PCDHA1: variants seen among roughly 807,000 people sequenced by gnomAD.
PCDHA1 encodes the protein protocadherin alpha-1.
In PCDHA1, 42 loss-of-function variants were observed where a neutral mutation model predicts 61.3. The ratio of observed to expected loss-of-function variants is 0.69; its 90% CI spans 0.54 to 0.89. PCDHA1 has a LOEUF of 0.89. Ranked by LOEUF, PCDHA1 falls within the 40% of genes least tolerant of loss-of-function variation. The pLI, the probability that PCDHA1 is intolerant of heterozygous loss-of-function variation, is 0.00. For synonymous variants in PCDHA1, 610 were observed against 553.8 expected (o/e 1.10, Z -1.43); for missense variants, 1,256 against 1,235.3 (o/e 1.02, Z -0.25).
intron 1 of PCDHA1, among the ~76,000 whole-genome samples, chr5:140,957,433 A>G (rs2095359030): frequency 6.6e-6 from 1 of 152,202 alleles, no homozygotes; most frequent in Non-Finnish European, 1.5e-5. Flanking sequence ...TACTGTGCCT[A>G]ATTTATAAAT....
intron 1 of PCDHA1, chr5:140,834,324 A>G: frequency 6.9e-7 from 1 of 1,445,086 alleles, no homozygotes; most frequent in Non-Finnish European, 9.4e-7. Context: ...AGGGATAAAA[A>G]CATTCCTATA....
At chr5:140,926,590 G>A (rs2083383863) in intron 1 of PCDHA1, 1 of 296,754 alleles carries the variant, frequency 3.4e-6, no homozygotes, top group Non-Finnish European at 6.1e-6. Context: ...CTCGCGCCCG[G>A]GCGGGCGGCC....
chr5:140,842,383 C>T, intron 1 of PCDHA1: 2 of 1,610,796 alleles, frequency 1.2e-6, no homozygotes, highest in Non-Finnish European at 1.7e-6. Context: ...CACTGACTTC[C>T]TTATCCTTGC....
In PCDHA1 at chr5:140,848,974, C is replaced by T. The variant is rs2150427496; in HGVS notation, c.2394+60290C>T. On this transcript the variant is annotated intron_variant, in intron 1 of 3. Coordinates refer to ENST00000504120, the MANE Select transcript of PCDHA1 (RefSeq NM_018900.4). ...TTTCCACTAGAGGGCGCGTCCGATG[C>T]AGATATCGGGGAGAACGCCCTGCTC... 302 of 1,600,986 alleles carry T rather than the reference C, an allele frequency of 1.9e-4. 1 individual carries two copies. The highest frequency in any genetic ancestry group is 2.4e-4 in the Non-Finnish European group (280 of 1,171,990).
chr5:140,788,803 C>T (rs1020468891), intron 1 of PCDHA1, 119 bp downstream of exon 1: 2 of 1,432,144 alleles, frequency 1.4e-6, no homozygotes, highest in Non-Finnish European at 1.8e-6. Flanking sequence ...TGAAATAAAT[C>T]ATACCATTGA....
chr5:140,967,487 G>A lies in PCDHA1; in HGVS notation c.2395-11462G>A, dbSNP rs781929483. 60 of 1,613,172 alleles carry A rather than the reference G, an allele frequency of 3.7e-5. No individual in the cohort carries two copies. The highest frequency in any genetic ancestry group is 5.0e-5 in the Non-Finnish European group (59 of 1,179,674). ...GGGCATCCCAGCCCGCTCGGGTACG[G>A]CACAGATCTCTGTGCGTGTCCTGGA... On this transcript the variant is annotated intron_variant, in intron 1 of 3. Coordinates refer to ENST00000504120, the MANE Select transcript of PCDHA1 (RefSeq NM_018900.4).
At chr5:140,817,505 A>G (rs1231227297) in intron 1 of PCDHA1, 20 of 152,224 alleles carry the variant, frequency 1.3e-4, no homozygotes, top group African/African-American at 4.6e-4. Context: ...ATGCTTTTAC[A>G]AATTATTTTA....
rs2150220578 is a variant in PCDHA1 at position 140,834,540 on chromosome 5, G to A, written c.2394+45856G>A. ...CGTGGGCCGCATCGCGCAGGACCTG[G>A]GGCTGGAGCTGGCGGAGCTGGTGCC... On this transcript the variant is annotated intron_variant, in intron 1 of 3. Transcript: ENST00000504120. The A allele has an allele frequency of 7.4e-6, 12 of 1,614,082 alleles. No individual in the cohort carries two copies. The Admixed American group carries it at 1.0e-4, about 13-fold the overall frequency.
intron 1 of PCDHA1, chr5:140,929,850 G>T: frequency 6.5e-6 from 1 of 154,348 alleles, no homozygotes. Flanking sequence ...GAGGAGGAAG[G>T]AGTCAGAGAA....
intron 1 of PCDHA1, among the ~76,000 whole-genome samples, chr5:140,895,352 G>A (rs1322887367): frequency 7.9e-5 from 12 of 151,916 alleles, no homozygotes; most frequent in African/African-American, 2.9e-4. Flanking sequence ...GCTTTCCAGT[G>A]AGTACTTATT....
chr5:140,956,243 C>T (rs2095270530), intron 1 of PCDHA1, among the ~76,000 whole-genome samples: 1 of 152,142 alleles, frequency 6.6e-6, no homozygotes, highest in African/African-American at 2.4e-5. Flanking sequence ...AAGGGGAATG[C>T]TTCCAGGTTT....
chr5:140,921,941 A>G (rs1294349868), intron 1 of PCDHA1, among the ~76,000 whole-genome samples: 1 of 152,068 alleles, frequency 6.6e-6, no homozygotes, highest in Non-Finnish European at 1.5e-5. Context: ...ATAATTTTAC[A>G]CTTGTAAAAT....
At chr5:140,951,822 C>T (rs926525028) in intron 1 of PCDHA1, among the ~76,000 whole-genome samples, 11 of 152,152 alleles carry the variant, frequency 7.2e-5, no homozygotes, top group African/African-American at 2.7e-4. Flanking sequence ...AAAGTCTGAA[C>T]TCATTCCAGC....
In PCDHA1 at chr5:140,913,731, A is replaced by G. The variant is rs557158674; in HGVS notation, c.2395-65218A>G. ...CAATTACAGCTACAAATTTCCCTCT[A>G]ATAGTACTCCTTTTGTTGTATCTCA... On this transcript the variant is annotated intron_variant, in intron 1 of 3. Transcript: ENST00000504120. Among the ~76,000 whole-genome samples the G allele has an allele frequency of 1.8e-4, 27 of 152,194 alleles. No homozygotes were observed. The South Asian group carries it at 2.5e-3, about 14-fold the overall frequency.
intron 1 of PCDHA1, among the ~76,000 whole-genome samples, chr5:140,871,971 G>A (rs2053418279): frequency 6.6e-6 from 1 of 152,204 alleles, no homozygotes; most frequent in South Asian, 2.1e-4. Context: ...GTCTTCCTAT[G>A]ATGTCCAGGT....
At chr5:140,855,706 TCAA>T (rs1176313933) in intron 1 of PCDHA1, among the ~76,000 whole-genome samples, 1 of 149,608 alleles carries the variant, frequency 6.7e-6, no homozygotes, top group African/African-American at 2.5e-5. Context: ...GCACGTGGGA[TCAA>T]CATTTATTGT....
chr5:140,877,713 T>C (rs2057302382), intron 1 of PCDHA1: 1 of 1,613,318 alleles, frequency 6.2e-7, no homozygotes, highest in African/African-American at 1.3e-5. Flanking sequence ...CCGTGGGGAG[T>C]TGGTCTTACT....
chr5:140,967,998 G>A lies in PCDHA1; in HGVS notation c.2395-10951G>A, dbSNP rs1554230183. The A allele has an allele frequency of 1.9e-6, 3 of 1,614,040 alleles. No individual in the cohort carries two copies. Among genetic ancestry groups the A allele is most frequent in the African/African-American group, 1.3e-5 (1 of 74,916 alleles). The stretch of plus-strand genomic sequence containing the variant: ...GGTCTGGAGGCCACACTGCCTTTCC[G>A]ACTGAATGGCTTTGGAAACTCCTAT... On this transcript the variant is annotated intron_variant, in intron 1 of 3. Transcript: ENST00000504120.
chr5:141,006,404 G>A (rs1001810745), intron 3 of PCDHA1, among the ~76,000 whole-genome samples: 2 of 151,938 alleles, frequency 1.3e-5, no homozygotes, highest in East Asian at 1.9e-4. Flanking sequence ...TAGTAGAGAC[G>A]CGGTTTCACT....
Sources: gnomAD v4.1 joint callset for allele counts (sites outside exome capture counted in the v4.1 genomes callset) on GRCh38, gnomAD v4.1.1 for gene constraint, MANE v1.5 for transcripts, NCBI Gene and HGNC (gene_info 2026-07-23, HGNC 2026-07-21) for gene names.